The following LEF1 variants were observed in gnomAD, a reference collection of about 807,000 sequenced individuals.
LEF1 encodes lymphoid enhancer-binding factor 1.
Under a neutral mutation model 51.2 loss-of-function variants are expected in LEF1, and 14 were observed. The ratio of observed to expected loss-of-function variants is 0.27; its 90% CI spans 0.18 to 0.43. The LOEUF is 0.43. LEF1 is among the 20% of genes least tolerant of loss of function. The probability of loss-of-function intolerance (pLI) is 1.00; values close to 1 mark genes in which losing one functional copy is unlikely to be tolerated. For synonymous variants in LEF1, 185 were observed against 183.2 expected, an observed-to-expected ratio of 1.01 and a Z score of -0.08; for missense variants, 386 against 512.0, an observed-to-expected ratio of 0.75 and a Z score of 2.37.
chr4:108,154,566 T>A (rs1173627309), intron 3 of LEF1, among the ~76,000 whole-genome samples: 8 of 151,354 alleles, frequency 5.3e-5, no homozygotes, highest in African/African-American at 1.9e-4. Context: ...AAAAAAATAA[T>A]TCAAGCAATG....
chr4:108,075,588 G>A (rs577996605), intron 8 of LEF1: 8 of 152,250 alleles, frequency 5.3e-5, no homozygotes, highest in South Asian at 2.1e-4. Flanking sequence ...TAATGATAAC[G>A]TGACTATGGT....
At chr4:108,142,850 G>A (rs1054711809) in intron 3 of LEF1, among the ~76,000 whole-genome samples, 6 of 152,174 alleles carry the variant, frequency 3.9e-5, no homozygotes, top group Admixed American at 6.5e-5. Context: ...CAGGAAAGTA[G>A]AATCTTAAGA....
chr4:108,106,786 A>G (rs1741196596), intron 3 of LEF1, among the ~76,000 whole-genome samples: 3 of 152,196 alleles, frequency 2.0e-5, no homozygotes, highest in Admixed American at 2.0e-4. Flanking sequence ...AGTTGGTCAA[A>G]AATATGCAAG....
chr4:108,124,203 T>A (rs1317991618), intron 3 of LEF1, among the ~76,000 whole-genome samples: 1 of 152,104 alleles, frequency 6.6e-6, no homozygotes, highest in African/African-American at 2.4e-5. Flanking sequence ...CTAATTTACA[T>A]GAGATAACTG....
intron 4 of LEF1, among the ~76,000 whole-genome samples, chr4:108,083,819 G>A (rs4403119): frequency 0.31 from 47,158 of 152,056 alleles, 8,191 homozygotes; most frequent in East Asian, 0.63. Context: ...ACAGCCCTTC[G>A]TAAGTAGATG....
chr4:108,087,314 A>G (rs1040156851), intron 4 of LEF1, among the ~76,000 whole-genome samples: 5 of 152,236 alleles, frequency 3.3e-5, no homozygotes, highest in Admixed American at 2.6e-4. Flanking sequence ...TGTCTGGACC[A>G]GAATACAAAA....
intron 3 of LEF1, among the ~76,000 whole-genome samples, chr4:108,109,964 T>G (rs1741420132): frequency 6.6e-6 from 1 of 152,168 alleles, no homozygotes; most frequent in Non-Finnish European, 1.5e-5. Context: ...ACGGGAGCTT[T>G]ACCAATACAA....
intron 3 of LEF1, among the ~76,000 whole-genome samples, chr4:108,119,989 A>T (rs200516606): frequency 0.11 from 3,817 of 34,942 alleles, 427 homozygotes; most frequent in East Asian, 0.51. Flanking sequence ...TGTATATTTT[A>T]TATATGTGTG....
At chr4:108,071,167 T>C (rs982212086) in intron 8 of LEF1, among the ~76,000 whole-genome samples, 1 of 152,334 alleles carries the variant, frequency 6.6e-6, no homozygotes, top group East Asian at 1.9e-4. Context: ...TACTTTTTAT[T>C]TATGCAAAAC....
intron 9 of LEF1, among the ~76,000 whole-genome samples, chr4:108,069,857 C>A (rs144853296): frequency 0.013 from 1,964 of 151,460 alleles, 16 homozygotes; most frequent in Non-Finnish European, 0.021. Flanking sequence ...GCTTGAGAGG[C>A]TGAGGCAGAA....
chr4:108,127,073 G>T (rs1236101308), intron 3 of LEF1, among the ~76,000 whole-genome samples: 1 of 152,130 alleles, frequency 6.6e-6, no homozygotes, highest in Non-Finnish European at 1.5e-5. Flanking sequence ...GGGGCTAGAA[G>T]AATGCTTCTC....
At chr4:108,145,209 A>G (rs927466505) in intron 3 of LEF1, among the ~76,000 whole-genome samples, 6 of 152,210 alleles carry the variant, frequency 3.9e-5, no homozygotes, top group Non-Finnish European at 7.3e-5. Context: ...TGTATGCCAG[A>G]CGGTCAAGAA....
chr4:108,112,207 C>T (rs1490064493), intron 3 of LEF1, among the ~76,000 whole-genome samples: 3 of 152,152 alleles, frequency 2.0e-5, no homozygotes, highest in Non-Finnish European at 4.4e-5. Flanking sequence ...GGAACCCTGT[C>T]CTATGAGCTT....
chr4:108,097,961 C>T (rs1578339498), intron 3 of LEF1, among the ~76,000 whole-genome samples: 1 of 152,024 alleles, frequency 6.6e-6, no homozygotes, highest in Admixed American at 6.6e-5. Flanking sequence ...GAGCTCAGAC[C>T]GGAGGCGACA....
intron 3 of LEF1, among the ~76,000 whole-genome samples, chr4:108,124,287 T>C (rs1216880009): frequency 1.3e-5 from 2 of 152,140 alleles, no homozygotes; most frequent in Non-Finnish European, 2.9e-5. Flanking sequence ...TATTCACATA[T>C]ATGAAAATAC....
intron 6 of LEF1, among the ~76,000 whole-genome samples, chr4:108,081,085 C>T (rs112082889): frequency 9.9e-5 from 15 of 152,208 alleles, no homozygotes; most frequent in African/African-American, 3.1e-4. Context: ...CCAGCCTGTC[C>T]GCACTGTTCT....
At chr4:108,083,074 T>C (rs1316777196) in intron 5 of LEF1, 2 of 421,588 alleles carry the variant, frequency 4.7e-6, no homozygotes, top group African/African-American at 2.1e-5. Context: ...TGTACAGGCA[T>C]AGCAAATGCC....
chr4:108,145,739 C>T (rs1743960593), intron 3 of LEF1, among the ~76,000 whole-genome samples: 2 of 152,086 alleles, frequency 1.3e-5, no homozygotes, highest in Admixed American at 6.5e-5. Context: ...AGGACTACAC[C>T]CTATATGTGC....
intron 3 of LEF1, among the ~76,000 whole-genome samples, chr4:108,100,112 G>GA (rs371098126): frequency 6.6e-6 from 1 of 151,884 alleles, no homozygotes; most frequent in Admixed American, 6.6e-5. Flanking sequence ...TATGAGTCAA[G>GA]AAAAAAATAA....
Sources: allele counts gnomAD v4.1 joint callset (sites outside exome capture counted in the v4.1 genomes callset), GRCh38; gene constraint gnomAD v4.1.1; transcripts MANE v1.5; gene names NCBI Gene and HGNC (gene_info 2026-07-23, HGNC 2026-07-21).